The following NOL4L variants were observed in gnomAD, a reference collection of about 807,000 sequenced individuals.
NOL4L encodes nucleolar protein 4 like.
NOL4L carries 7 observed loss-of-function variants against 64.5 expected under a neutral mutation model. The ratio of observed to expected loss-of-function variants is 0.11; its 90% CI spans 0.06 to 0.20. The LOEUF is 0.20. Ranked by LOEUF, NOL4L falls within the 10% of genes least tolerant of loss-of-function variation. The pLI is 1.00. For synonymous variants in NOL4L, 413 were observed against 401.0 expected, an observed-to-expected ratio of 1.03 and a Z score of -0.36; for missense variants, 680 against 967.1, an observed-to-expected ratio of 0.70 and a Z score of 3.94.
chr20:32,507,017 A>G (rs2017166114), intron 4 of NOL4L, among the ~76,000 whole-genome samples: 1 of 152,142 alleles, frequency 6.6e-6, no homozygotes, highest in Admixed American at 6.6e-5. Flanking sequence ...GAGGCAAGGG[A>G]GGTGCCCACA....
chr20:32,492,587 C>T (rs2016510120), intron 4 of NOL4L, among the ~76,000 whole-genome samples: 1 of 152,158 alleles, frequency 6.6e-6, no homozygotes, highest in African/African-American at 2.4e-5. Context: ...GTAGAAGTTT[C>T]AAAAGGGGAA....
At chr20:32,566,559 T>C (rs1384678974) in intron 1 of NOL4L, among the ~76,000 whole-genome samples, 1 of 152,164 alleles carries the variant, frequency 6.6e-6, no homozygotes, top group African/African-American at 2.4e-5. Flanking sequence ...ACTGGCCTCC[T>C]TGCAGTTCCT....
chr20:32,490,135 A>AG (rs1438942654), intron 4 of NOL4L, among the ~76,000 whole-genome samples: 8 of 142,006 alleles, frequency 5.6e-5, no homozygotes, highest in African/African-American at 2.2e-4. Flanking sequence ...TCTCAAAAAA[A>AG]AAAAAAAAAA....
rs1389500448 is a variant in NOL4L, at chr20:32,514,485, C to T, written c.590-3029G>A. 3.3e-5 allele frequency among the ~76,000 whole-genome samples: 5 copies of T among 151,454 alleles called. No individual in the cohort carries two copies. In the Middle Eastern group the frequency reaches 0.014, roughly 412 times the overall value. ...CCAGCCTGGTGACAGAGCAAGACTC[C>T]GTCCCAAGGAAAAAAAAAAAGTAAA... On this transcript the variant is annotated intron_variant, in intron 3 of 10. Transcript: ENST00000621426.
chr20:32,445,384 T>C lies in NOL4L; in HGVS notation c.*2212A>G, dbSNP rs1394256253. 6.6e-6 allele frequency: 1 copy of C among 152,224 alleles called. No homozygotes were observed. The highest frequency in any genetic ancestry group is 1.5e-5 in the Non-Finnish European group (1 of 68,044). The allele number at this position is 152,224 out of a possible 1,614,324, so 9.4% of individuals were successfully genotyped here. A position where few individuals can be genotyped will look rare whatever the true frequency, so the allele number is the denominator to read the frequency against. ...AACGGTTCATGTCTAGCTTGGGTAC[T>C]GCCTCTGGGAGGAGAAGTGACACGT... On this transcript the variant is annotated 3_prime_UTR_variant, in exon 11 of 11. Coordinates refer to ENST00000621426, the MANE Select transcript of NOL4L (RefSeq NM_001256798.2).
In NOL4L at chr20:32,497,005, A is replaced by T. The variant is rs137993315; in HGVS notation, c.699+14342T>A. Among the ~76,000 whole-genome samples, 515 of 151,318 alleles carry T rather than the reference A, an allele frequency of 3.4e-3. 4 individuals carry two copies. Among genetic ancestry groups the T allele is most frequent in the Non-Finnish European group, 4.3e-3 (295 of 67,836 alleles). On this transcript the variant is annotated intron_variant, in intron 4 of 10. Coordinates refer to ENST00000621426, the MANE Select transcript of NOL4L (RefSeq NM_001256798.2). ...ATCCACACCCAGTCACCCCGAGCAA[A>T]ACAAAGCAGACAGCACAAATTCACA...
chr20:32,503,907 T>C (rs2017025094), intron 4 of NOL4L, among the ~76,000 whole-genome samples: 1 of 152,208 alleles, frequency 6.6e-6, no homozygotes, highest in Non-Finnish European at 1.5e-5. Flanking sequence ...TTAATTTTCC[T>C]TTTTGTGTCA....
chr20:32,518,371 T>C (rs1278769467), intron 3 of NOL4L, among the ~76,000 whole-genome samples: 1 of 152,162 alleles, frequency 6.6e-6, no homozygotes, highest in Non-Finnish European at 1.5e-5. Context: ...GGGTGGGGTG[T>C]GGTGGTGGCA....
chr20:32,560,376 C>T (rs561822927), intron 1 of NOL4L, among the ~76,000 whole-genome samples: 45 of 152,332 alleles, frequency 3.0e-4, no homozygotes, highest in African/African-American at 1.0e-3. Flanking sequence ...GAAACTGAGG[C>T]TCAGAGAGGC....
At chr20:32,465,773 G>A (rs1043989220) in intron 5 of NOL4L, among the ~76,000 whole-genome samples, 211 of 152,330 alleles carry the variant, frequency 1.4e-3, no homozygotes, top group African/African-American at 4.3e-3. Flanking sequence ...GAGTGATGAC[G>A]CCAACGCGGC....
chr20:32,513,201 C>G (rs1465300519), intron 3 of NOL4L, among the ~76,000 whole-genome samples: 1 of 152,114 alleles, frequency 6.6e-6, no homozygotes, highest in Non-Finnish European at 1.5e-5. Flanking sequence ...CAAGGAGGCC[C>G]AAGAGACAGG....
intron 5 of NOL4L, among the ~76,000 whole-genome samples, chr20:32,467,032 C>T (rs952884253): frequency 7.9e-5 from 12 of 152,088 alleles, no homozygotes; most frequent in Non-Finnish European, 1.0e-4. Context: ...AGGGGTAATG[C>T]GGGTAATGGT....
intron 3 of NOL4L, among the ~76,000 whole-genome samples, chr20:32,518,694 G>A (rs1167627310): frequency 3.3e-5 from 5 of 152,238 alleles, no homozygotes; most frequent in East Asian, 3.8e-4. Flanking sequence ...GGAAAGGAAC[G>A]GGAGGGGACA....
chr20:32,536,708 G>A (rs1032076786), intron 1 of NOL4L, among the ~76,000 whole-genome samples: 2 of 149,152 alleles, frequency 1.3e-5, no homozygotes, highest in Admixed American at 1.3e-4. Context: ...CCCCGGAGCT[G>A]GGACAGCCTG....
At chr20:32,580,061 G>A (rs1398326656) in intron 1 of NOL4L, among the ~76,000 whole-genome samples, 1 of 152,214 alleles carries the variant, frequency 6.6e-6, no homozygotes, top group Admixed American at 6.5e-5. Flanking sequence ...CTGAAAGCTT[G>A]ACATGAAGGA....
chr20:32,475,781 C>T (rs1039443178), intron 4 of NOL4L, among the ~76,000 whole-genome samples: 13 of 152,228 alleles, frequency 8.5e-5, no homozygotes, highest in Non-Finnish European at 1.6e-4. Context: ...CCGGGGCCCC[C>T]CTCACAGACA....
chr20:32,484,549 A>C (rs1447360684), intron 4 of NOL4L, among the ~76,000 whole-genome samples: 1 of 150,888 alleles, frequency 6.6e-6, no homozygotes, highest in African/African-American at 2.4e-5. Context: ...CGACCCAAAC[A>C]TCTACGCGAC....
chr20:32,543,606 G>A (rs1450954929), intron 1 of NOL4L, among the ~76,000 whole-genome samples: 2 of 151,346 alleles, frequency 1.3e-5, no homozygotes, highest in Admixed American at 1.3e-4. Flanking sequence ...ATGACAGAGC[G>A]AGACTCTGTC....
chr20:32,452,527 C>T (rs2013033152), intron 9 of NOL4L, 90 bp from the exon 10 acceptor site: 1 of 1,180,248 alleles, frequency 8.5e-7, no homozygotes, highest in Non-Finnish European at 1.2e-6. Context: ...AATGCTGCGG[C>T]CCCAGGACTC....
Sources: gnomAD v4.1 joint callset for allele counts (sites outside exome capture counted in the v4.1 genomes callset) on GRCh38, gnomAD v4.1.1 for gene constraint, MANE v1.5 for transcripts, NCBI Gene and HGNC (gene_info 2026-07-23, HGNC 2026-07-21) for gene names.